Variants in CHFR observed in about 807,000 individuals in gnomAD.
CHFR encodes checkpoint with forkhead and ring finger domains.
A neutral mutation model predicts 87.6 loss-of-function variants in CHFR; 57 were observed. The ratio of observed to expected loss-of-function variants is 0.65; its 90% CI spans 0.53 to 0.81. The LOEUF (loss-of-function observed/expected upper bound fraction) is 0.81, where lower values mean the gene tolerates loss of function less well. Among genes scored for constraint, CHFR ranks in the 30% least tolerant of loss-of-function variants. The probability of loss-of-function intolerance (pLI) is 0.00; values close to 1 mark genes in which losing one functional copy is unlikely to be tolerated. For synonymous variants in CHFR, 381 were observed against 359.2 expected (o/e 1.06, Z -0.69); for missense variants, 797 against 865.8 (o/e 0.92, Z 1.00).
chr12:132,843,946 T>TC, intron 16 of CHFR, 81 bp downstream of exon 16: 1 of 826,680 alleles, frequency 1.2e-6, no homozygotes, highest in Non-Finnish European at 2.0e-6. Context: ...CGAAACTGTC[T>TC]CAAAAAAAAA....
At position 132,833,426 on chromosome 12, in the gene CHFR, AAG is replaced by A. The variant is rs1170976798; in HGVS notation, c.*8126_*8127del. 1.1e-4 allele frequency: 17 copies of A among 152,244 alleles called. No homozygotes were observed. The highest frequency in any genetic ancestry group is 3.6e-4 in the African/African-American group (15 of 41,468). 9.4% of individuals were successfully genotyped at this position (152,244 alleles called of 1,614,324 possible). A position where few individuals can be genotyped will look rare whatever the true frequency, so the allele number is the denominator to read the frequency against. On this transcript the variant is annotated 3_prime_UTR_variant, in exon 18 of 18. Coordinates refer to ENST00000450056, the MANE Select transcript of CHFR (RefSeq NM_001161346.2). ...GACAACAAGCATAGAAGGTGACAGA[AAG>A]AGTCAAGAAAAGGCAGAGGCAACCC...
At position 132,832,792 on chromosome 12, in the gene CHFR, T is replaced by C. The variant is rs1950625658; in HGVS notation, c.*8762A>G. 1 of 152,202 alleles carries C rather than the reference T, an allele frequency of 6.6e-6. No homozygotes were observed. Among genetic ancestry groups the C allele is most frequent in the Admixed American group, 6.5e-5 (1 of 15,272 alleles). 9.4% of individuals were successfully genotyped at this position (152,202 alleles called of 1,614,324 possible). ...TTCTATGCAATAAAATATACCCGTG[T>C]TGTGTGTGCAGTTCAGCGACTGTAG... On this transcript the variant is annotated 3_prime_UTR_variant, in exon 18 of 18. Coordinates refer to ENST00000450056, the MANE Select transcript of CHFR (RefSeq NM_001161346.2).
In CHFR at chr12:132,859,638, C is replaced by A. The variant is rs189147856; in HGVS notation, c.752-411G>T. 1.8e-3 allele frequency among the ~76,000 whole-genome samples: 280 copies of A among 152,320 alleles called. 2 individuals carry two copies. Among genetic ancestry groups the A allele is most frequent in the African/African-American group, 6.1e-3 (253 of 41,568 alleles). ...GTACTAGGGTAACAGGTGTGAGCTA[C>A]CGCGCCCCACCCTCTTCTGGTGTTT... On this transcript the variant is annotated intron_variant, in intron 7 of 17. Transcript: ENST00000450056.
At chr12:132,842,528 C>A (rs1261536243) in intron 17 of CHFR, among the ~76,000 whole-genome samples, 1 of 152,234 alleles carries the variant, frequency 6.6e-6, no homozygotes, top group Non-Finnish European at 1.5e-5. Context: ...TACGTGATCA[C>A]CTAACCTAAG....
At chr12:132,869,836 T>C in intron 5 of CHFR, 38 bp from the exon 6 acceptor site, 1 of 1,550,474 alleles carries the variant, frequency 6.4e-7, no homozygotes, top group Non-Finnish European at 8.7e-7. Flanking sequence ...TGTTAGCTTC[T>C]GTAACCCAAA....
At chr12:132,855,149 G>A (rs528899640) in intron 10 of CHFR, 1 of 151,858 alleles carries the variant, frequency 6.6e-6, no homozygotes, top group African/African-American at 2.4e-5. Flanking sequence ...GGCTAACACG[G>A]GAGAATCACT....
rs1950663221 is a variant in CHFR, at chr12:132,838,280, C to G, written c.*3274G>C. 1 of 152,344 alleles carries G rather than the reference C, an allele frequency of 6.6e-6. No individual in the cohort carries two copies. The highest frequency in any genetic ancestry group is 1.5e-5 in the Non-Finnish European group (1 of 68,112). The allele number at this position is 152,344 out of a possible 1,614,324, so 9.4% of individuals were successfully genotyped here. On this transcript the variant is annotated 3_prime_UTR_variant, in exon 18 of 18. Coordinates refer to ENST00000450056, the MANE Select transcript of CHFR (RefSeq NM_001161346.2). ...AAGATGACTTAAAGCAGATTTAAAA[C>G]AGCCTTTGTAGCTGGCCTAGGGAGG...
chr12:132,853,862 A>C (rs1240177172), intron 10 of CHFR: 5 of 426,626 alleles, frequency 1.2e-5, no homozygotes, highest in African/African-American at 2.1e-5. Flanking sequence ...CCAGGAGACG[A>C]CGCCAGAGCA....
rs185169650 is a variant in CHFR, at chr12:132,836,727, G to A, written c.*4827C>T. 2.4e-5 allele frequency: 11 copies of A among 456,104 alleles called. No individual in the cohort carries two copies. Among genetic ancestry groups the A allele is most frequent in the East Asian group, 2.1e-4 (3 of 14,390 alleles). 28.3% of individuals were successfully genotyped at this position (456,104 alleles called of 1,614,324 possible). ...CTCACCGCCTCAGAAGGAGACAACC[G>A]TGAAAAGTGAGCGACAGAGGAAGGG... On this transcript the variant is annotated 3_prime_UTR_variant, in exon 18 of 18. Transcript: ENST00000450056.
At chr12:132,855,448 C>T (rs1346459607) in intron 10 of CHFR, among the ~76,000 whole-genome samples, 2 of 151,642 alleles carry the variant, frequency 1.3e-5, no homozygotes, top group African/African-American at 2.4e-5. Flanking sequence ...CGGCGGATCA[C>T]GAGGTCAGGA....
chr12:132,879,373 G>A (rs907873776), intron 2 of CHFR, among the ~76,000 whole-genome samples: 4 of 150,466 alleles, frequency 2.7e-5, no homozygotes, highest in African/African-American at 9.8e-5. Context: ...CAGTAATTCT[G>A]ACACTTTGGG....
At chr12:132,883,596 G>A (rs1013383369) in intron 2 of CHFR, among the ~76,000 whole-genome samples, 3 of 151,982 alleles carry the variant, frequency 2.0e-5, no homozygotes, top group Non-Finnish European at 4.4e-5. Context: ...GCATGGTGGC[G>A]GGTGCCTGTA....
chr12:132,885,844 C>T lies in CHFR; in HGVS notation c.133+1352G>A, dbSNP rs865959829. On this transcript the variant is annotated intron_variant, in intron 2 of 17. Coordinates refer to ENST00000450056, the MANE Select transcript of CHFR (RefSeq NM_001161346.2). ...ACATAATTTGTCTCTAGGGCCTCTGCTCTTCACCAAACCTCCTAGTCTATC... is the reference window on the plus strand; with the variant it reads ...ACATAATTTGTCTCTAGGGCCTCTGTTCTTCACCAAACCTCCTAGTCTATC... 2.0e-5 allele frequency among the ~76,000 whole-genome samples: 3 copies of T among 152,306 alleles called. No homozygotes were observed. In the South Asian group the frequency reaches 6.2e-4, roughly 32 times the overall value.
intron 15 of CHFR, among the ~76,000 whole-genome samples, chr12:132,845,208 C>A (rs959709004): frequency 3.3e-5 from 5 of 151,968 alleles, no homozygotes; most frequent in Non-Finnish European, 7.4e-5. Context: ...GTAATCCCAG[C>A]ACTTTGGGAG....
intron 6 of CHFR, among the ~76,000 whole-genome samples, chr12:132,868,397 GA>G: frequency 6.6e-6 from 1 of 152,214 alleles, no homozygotes; most frequent in African/African-American, 2.4e-5. Context: ...GCTGAGGCAG[GA>G]AAATGGCGTG....
chr12:132,847,426 A>G, intron 14 of CHFR: 2 of 1,175,018 alleles, frequency 1.7e-6, no homozygotes, highest in South Asian at 1.9e-5. Flanking sequence ...GCCAGGCCAC[A>G]GTGCACACAG....
chr12:132,874,056 G>A (rs1361213999), intron 3 of CHFR, among the ~76,000 whole-genome samples: 1 of 152,146 alleles, frequency 6.6e-6, no homozygotes, highest in East Asian at 1.9e-4. Context: ...GGCACCTCTG[G>A]AACCTGGAAA....
chr12:132,875,283 A>T (rs548347593), intron 3 of CHFR, among the ~76,000 whole-genome samples: 1 of 152,360 alleles, frequency 6.6e-6, no homozygotes, highest in East Asian at 1.9e-4. Flanking sequence ...AAAATCCTGC[A>T]GTGAGAACAG....
At chr12:132,873,305 G>C (rs958609490) in intron 3 of CHFR, among the ~76,000 whole-genome samples, 1 of 152,212 alleles carries the variant, frequency 6.6e-6, no homozygotes. Context: ...GCCGTCTGTA[G>C]CAGGAAAGCA....
Sources: allele counts gnomAD v4.1 joint callset (sites outside exome capture counted in the v4.1 genomes callset), GRCh38; gene constraint gnomAD v4.1.1; transcripts MANE v1.5; gene names NCBI Gene and HGNC (gene_info 2026-07-23, HGNC 2026-07-21).